Variants in POLR1E observed in about 807,000 individuals in gnomAD.
The protein encoded by POLR1E is DNA-directed RNA polymerase I subunit RPA49.
Under a neutral mutation model 50.9 loss-of-function variants are expected in POLR1E, and 37 were observed. That is an observed-to-expected ratio of 0.73 (90% CI 0.56 to 0.96). The LOEUF (loss-of-function observed/expected upper bound fraction) is 0.96. Among genes scored for constraint, POLR1E ranks in the 40% least tolerant of loss-of-function variants. The probability of loss-of-function intolerance (pLI) is 0.00; values close to 1 mark genes in which losing one functional copy is unlikely to be tolerated. For synonymous variants in POLR1E, 166 were observed against 191.6 expected, an observed-to-expected ratio of 0.87 and a Z score of 1.10; for missense variants, 426 against 518.1, an observed-to-expected ratio of 0.82 and a Z score of 1.73.
intron 10 of POLR1E, 63 bp from the exon 11 acceptor site, chr9:37,501,650 G>A: frequency 6.4e-7 from 1 of 1,555,634 alleles, no homozygotes; most frequent in Middle Eastern, 1.8e-4. Flanking sequence ...TTCTTATTTT[G>A]CTTTTGGAGA....
rs1820928684 is a variant in POLR1E, at chr9:37,503,360, T to C, written c.*158T>C. On this transcript the variant is annotated 3_prime_UTR_variant, in exon 12 of 12. Transcript: ENST00000377798. ...TGGGAGGCCGAGGCAGGAAGATCAT[T>C]GAGCTCAGGAGTTTGAAACCAGTCT... 6 of 833,770 alleles carry C rather than the reference T, an allele frequency of 7.2e-6. No homozygotes were observed. In the East Asian group the frequency reaches 1.1e-4, roughly 16 times the overall value. 51.6% of individuals were successfully genotyped at this position (833,770 alleles called of 1,614,324 possible).
chr9:37,494,792 C>G (rs1226184579), intron 6 of POLR1E, among the ~76,000 whole-genome samples: 1 of 152,170 alleles, frequency 6.6e-6, no homozygotes, highest in African/African-American at 2.4e-5. Flanking sequence ...AGTTTTGTTC[C>G]ACCTACAATG....
rs963183718 is a variant in POLR1E, at chr9:37,500,868, C to T, written c.915C>T (p.Ile305=). ...CTCTGGGACCTGGAGTTCCCCACAT[C>T]ATCAACACCAAACTGCTGAAGCACT... ...KSALGPGVPH[I]INTKLLKHFT... is the part of the protein sequence containing the mutation. Residue 305 remains isoleucine, a synonymous_variant, in exon 10 of 12, where the codon ATC becomes ATT. Coordinates refer to ENST00000377798, the MANE Select transcript of POLR1E (RefSeq NM_022490.4). 7 of 1,613,822 alleles carry T rather than the reference C, an allele frequency of 4.3e-6. No homozygotes were observed. The highest frequency in any genetic ancestry group is 5.9e-6 in the Non-Finnish European group (7 of 1,179,852).
At position 37,492,668 on chromosome 9, in the gene POLR1E, G is replaced by C. The variant is rs150967094; in HGVS notation, c.355G>C (p.Glu119Gln). Residue 119 changes from glutamate (E) to glutamine (Q), a missense_variant, in exon 5 of 12, where the codon GAG becomes CAG. Transcript: ENST00000377798. ...GTGTGTTTTGATAGATGTATCAGTT[G>C]AGAGTGAACTGGCGCTAGAGAGTCA... ...MQPLFSDVSVESELALESQTK... is the reference protein window; with the variant it reads ...MQPLFSDVSVQSELALESQTK... The C allele has an allele frequency of 6.2e-7, 1 of 1,614,016 alleles. No individual in the cohort carries two copies. The highest frequency in any genetic ancestry group is 8.5e-7 in the Non-Finnish European group (1 of 1,179,888).
At position 37,498,200 on chromosome 9, in the gene POLR1E, G is replaced by T. The variant is rs150575813; in HGVS notation, c.862G>T (p.Ala288Ser). Residue 288 changes from alanine (A) to serine (S), a missense_variant, in exon 9 of 12, where the codon GCT (alanine) becomes TCT (serine). Transcript: ENST00000377798. The stretch of plus-strand genomic sequence containing the variant: ...TCTGGATACCCTCATCAAATTTCGA[G>T]CTCATAGGGTAGTTAAGCGGAAAAG... ...WFLDTLIKFR[A>S]HRVVKRKSAL... The T allele has an allele frequency of 6.2e-7, 1 of 1,613,902 alleles. No homozygotes were observed. The highest frequency in any genetic ancestry group is 1.1e-5 in the South Asian group (1 of 91,052).
intron 5 of POLR1E, among the ~76,000 whole-genome samples, 165 bp downstream of exon 5, chr9:37,492,880 C>T (rs1488884271): frequency 6.6e-6 from 1 of 152,214 alleles, no homozygotes; most frequent in Non-Finnish European, 1.5e-5. Flanking sequence ...CAGAAGCCTC[C>T]TTGGTCCCAC....
At chr9:37,487,747 G>A in intron 2 of POLR1E, 116 bp from the exon 3 acceptor site, 1 of 965,266 alleles carries the variant, frequency 1.0e-6, no homozygotes, top group Non-Finnish European at 1.6e-6. Flanking sequence ...AGATGAACTA[G>A]TTCTAATCCA....
chr9:37,486,020 T>A lies in POLR1E; in HGVS notation c.-28T>A. 1 of 1,588,378 alleles carries A rather than the reference T, an allele frequency of 6.3e-7. No individual in the cohort carries two copies. Among genetic ancestry groups the A allele is most frequent in the Non-Finnish European group, 8.6e-7 (1 of 1,169,244 alleles). ...CGCTTGTGGCTGCTGCTGTCTTAAC[T>A]CCTGTGCTTGGCGGACAGACAGGCG... On this transcript the variant is annotated 5_prime_UTR_variant, in exon 1 of 12. Coordinates refer to ENST00000377798, the MANE Select transcript of POLR1E (RefSeq NM_022490.4).
chr9:37,500,787 G>A, intron 9 of POLR1E, 53 bp from the exon 10 acceptor site: 2 of 1,429,948 alleles, frequency 1.4e-6, no homozygotes, highest in South Asian at 1.2e-5. Context: ...CATGGTTGAG[G>A]TGTGGCCTGA....
chr9:37,502,661 CTG>C (rs149122876), intron 11 of POLR1E, among the ~76,000 whole-genome samples: 207 of 152,338 alleles, frequency 1.4e-3, no homozygotes, highest in African/African-American at 4.8e-3. Flanking sequence ...TGTCCACAAA[CTG>C]TGTTCCCACA....
intron 9 of POLR1E, among the ~76,000 whole-genome samples, chr9:37,499,834 G>A (rs1029245399): frequency 6.1e-5 from 9 of 148,642 alleles, no homozygotes; most frequent in Admixed American, 2.0e-4. Context: ...CACCCAGCTT[G>A]TATTTGCTTA....
chr9:37,486,583 G>A (rs1405442906), intron 1 of POLR1E, 120 bp from the exon 2 acceptor site: 1 of 1,611,818 alleles, frequency 6.2e-7, no homozygotes, highest in East Asian at 2.2e-5. Context: ...CAGGACCCGA[G>A]CTTCCTTGCC....
At position 37,486,447 on chromosome 9, in the gene POLR1E, C is replaced by T. The variant is rs780730446; in HGVS notation, c.77-256C>T. On this transcript the variant is annotated intron_variant, in intron 1 of 11. Coordinates refer to ENST00000377798, the MANE Select transcript of POLR1E (RefSeq NM_022490.4). ...TCCTTCTGTCACTTTAGGTATGTAC[C>T]AGGCCTCTGCTGTCAGCCTCCTTCC... is the stretch of plus-strand genomic sequence containing the variant. 17 of 1,548,862 alleles carry T rather than the reference C, an allele frequency of 1.1e-5. No homozygotes were observed. In the South Asian group the frequency reaches 2.0e-4, roughly 19 times the overall value.
At chr9:37,488,212 A>C (rs1209535806) in intron 3 of POLR1E, among the ~76,000 whole-genome samples, 1 of 152,174 alleles carries the variant, frequency 6.6e-6, no homozygotes, top group East Asian at 1.9e-4. Context: ...TCTCTCCATT[A>C]ATTTGGAATG....
Position 37,495,897 on chromosome 9 carries a change from C to T in POLR1E, c.663C>T (p.Ser221=), listed in dbSNP as rs771236932. ...EDVYKFEDLL[S]PAEYEALQSP... is the part of the protein sequence containing the mutation. ...TTCTTGACCTGTAACTAGTTCTTTC[C>T]CCTGCGGAGTATGAAGCTCTTCAGA... Residue 221 remains serine (S), a synonymous_variant, in exon 8 of 12, where the codon TCC becomes TCT. Transcript: ENST00000377798. The T allele has an allele frequency of 2.5e-6, 4 of 1,612,072 alleles. No individual in the cohort carries two copies. The Admixed American group carries it at 5.0e-5, about 20-fold the overall frequency.
At position 37,495,232 on chromosome 9, in the gene POLR1E, A is replaced by G; in HGVS notation, c.611A>G (p.Tyr204Cys). ...GACTCCCTCTACCTTCCTCCCTGCTATGATGATGCAGCCAAGCCTGAAGAC... is the reference window on the plus strand; with the variant it reads ...GACTCCCTCTACCTTCCTCCCTGCTGTGATGATGCAGCCAAGCCTGAAGAC... ...QDDSLYLPPCYDDAAKPEDVY... is the reference protein window; with the variant it reads ...QDDSLYLPPCCDDAAKPEDVY... Residue 204 changes from tyrosine to cysteine, a missense_variant, in exon 7 of 12, where the codon TAT becomes TGT. Coordinates refer to ENST00000377798, the MANE Select transcript of POLR1E (RefSeq NM_022490.4). 2.5e-6 allele frequency: 4 copies of G among 1,614,150 alleles called. No homozygotes were observed. The highest frequency in any genetic ancestry group is 2.2e-5 in the East Asian group (1 of 44,884).
rs1820875356 is a variant in POLR1E, at chr9:37,500,894, T to C, written c.941T>C (p.Phe314Ser). The C allele has an allele frequency of 6.2e-7, 1 of 1,613,816 alleles. No homozygotes were observed. The highest frequency in any genetic ancestry group is 8.5e-7 in the Non-Finnish European group (1 of 1,179,854). The change falls in exon 10 of 12, where the codon TTT (phenylalanine) becomes TCT (serine). Residue 314 changes from phenylalanine (F) to serine (S), a missense_variant. Transcript: ENST00000377798. ...ATCAACACCAAACTGCTGAAGCACT[T>C]TACTTGCTTGACCTACAACAATGGC... ...HIINTKLLKH[F>S]TCLTYNNGRL...
In POLR1E at chr9:37,501,811, T is replaced by C. The variant is rs1820895508; in HGVS notation, c.1067T>C (p.Val356Ala). The C allele has an allele frequency of 6.2e-7, 1 of 1,613,916 alleles. No individual in the cohort carries two copies. Among genetic ancestry groups the C allele is most frequent in the African/African-American group, 1.3e-5 (1 of 74,910 alleles). The change falls in exon 11 of 12, where the codon GTG (valine) becomes GCG (alanine). Residue 356 changes from valine to alanine, a missense_variant. By Grantham distance (64) the Val-to-Ala change is moderately conservative (BLOSUM62 0). Transcript: ENST00000377798. ...CATGACTTCCAAATTGACCTGACAG[T>C]GTTACAGAGGGACTTGAAGCTCAGT... ...HIHDFQIDLT[V>A]LQRDLKLSEK...
intron 3 of POLR1E, among the ~76,000 whole-genome samples, chr9:37,488,370 ACT>A (rs1820615777): frequency 6.6e-6 from 1 of 151,514 alleles, no homozygotes; most frequent in Non-Finnish European, 1.5e-5. Context: ...TGGCTGGGTA[ACT>A]CTGCGCATCA....
Sources: allele counts gnomAD v4.1 joint callset (sites outside exome capture counted in the v4.1 genomes callset), GRCh38; gene constraint gnomAD v4.1.1; transcripts MANE v1.5; gene names NCBI Gene and HGNC (gene_info 2026-07-23, HGNC 2026-07-21).